ATAD2B: variants seen among roughly 807,000 people sequenced by gnomAD.
The protein encoded by ATAD2B is ATPase family AAA domain containing 2B.
A neutral mutation model predicts 167.6 loss-of-function variants in ATAD2B; 40 were observed. The ratio of observed to expected loss-of-function variants is 0.24; its 90% CI spans 0.19 to 0.31. The LOEUF (loss-of-function observed/expected upper bound fraction) is 0.31. ATAD2B is among the 10% of genes least tolerant of loss of function. ATAD2B has a pLI of 1.00. For synonymous variants in ATAD2B, 579 were observed against 596.5 expected (o/e 0.97, Z 0.43); for missense variants, 1,242 against 1,757.2 (o/e 0.71, Z 5.24).
rs180964232 is a variant in ATAD2B at position 23,895,755 on chromosome 2, A to G, written c.368+64T>C. 8 of 1,239,524 alleles carry G rather than the reference A, an allele frequency of 6.5e-6. No homozygotes were observed. The Admixed American group carries it at 1.0e-4, about 16-fold the overall frequency. The allele number at this position is 1,239,524 out of a possible 1,614,324, so 76.8% of individuals were successfully genotyped here. ...TTATAAGCTAAGAAAATTAGCATTA[A>G]TATCAGCCCTGAATCACATTCAGTA... On this transcript the variant is annotated intron_variant, in intron 2 of 27. Coordinates refer to ENST00000238789, the MANE Select transcript of ATAD2B (RefSeq NM_017552.4).
chr2:23,884,907 T>C (rs1422807940), intron 5 of ATAD2B, 34 bp from the exon 6 acceptor site: 4 of 1,365,826 alleles, frequency 2.9e-6, no homozygotes, highest in Non-Finnish European at 4.0e-6. Context: ...AATAGCAACA[T>C]GACATTTATT....
chr2:23,887,753 CTTATG>C, intron 4 of ATAD2B, 74 bp downstream of exon 4: 1 of 1,308,158 alleles, frequency 7.6e-7, no homozygotes, highest in Non-Finnish European at 1.0e-6. Context: ...TAAGTCGTTG[CTTATG>C]TTATTTTTTT....
At chr2:23,809,927 A>G (rs1033767394) in intron 18 of ATAD2B, among the ~76,000 whole-genome samples, 1 of 152,200 alleles carries the variant, frequency 6.6e-6, no homozygotes, top group African/African-American at 2.4e-5. Flanking sequence ...ATGAATATTA[A>G]ATCCTGATTA....
At chr2:23,857,990 G>A (rs868859751) in intron 12 of ATAD2B, among the ~76,000 whole-genome samples, 8 of 151,906 alleles carry the variant, frequency 5.3e-5, no homozygotes, top group African/African-American at 1.5e-4. Context: ...TGATCTGCCC[G>A]CCTCGACCTC....
At chr2:23,726,028 G>C in the ATAD2B span, among the ~76,000 whole-genome samples, 1 of 152,172 alleles carries the variant, frequency 6.6e-6, no homozygotes. Context: ...AAATGGAATT[G>C]CTATATGATC....
intron 13 of ATAD2B, among the ~76,000 whole-genome samples, chr2:23,849,266 CACAAACAGCA>C (rs1692184065): frequency 6.6e-6 from 1 of 152,122 alleles, no homozygotes; most frequent in African/African-American, 2.4e-5. Flanking sequence ...AAATATACCA[CACAAACAGCA>C]TGAAGTCTAG....
intron 9 of ATAD2B, among the ~76,000 whole-genome samples, 191 bp downstream of exon 9, chr2:23,869,472 T>A (rs1161707812): frequency 6.6e-6 from 1 of 152,228 alleles, no homozygotes; most frequent in Admixed American, 6.5e-5. Context: ...TTATCGTAAG[T>A]ACTTTCAGAC....
chr2:23,756,926 G>A (rs1676017697), intron 25 of ATAD2B, among the ~76,000 whole-genome samples: 1 of 152,172 alleles, frequency 6.6e-6, no homozygotes, highest in Non-Finnish European at 1.5e-5. Flanking sequence ...CTTGGAGAGT[G>A]TAAATAATGA....
At chr2:23,713,938 T>C in the ATAD2B span, among the ~76,000 whole-genome samples, 72 of 152,284 alleles carry the variant, frequency 4.7e-4, 1 homozygote, top group South Asian at 0.012. Flanking sequence ...ATTTGGGAAA[T>C]GCTAGGTTTA....
the ATAD2B span, among the ~76,000 whole-genome samples, chr2:23,739,650 C>T: frequency 3.9e-5 from 6 of 151,974 alleles, no homozygotes; most frequent in Non-Finnish European, 7.4e-5. Context: ...ACTAGAAAAG[C>T]GAGAGCAAAC....
the ATAD2B span, among the ~76,000 whole-genome samples, chr2:23,684,911 C>T: frequency 2.0e-5 from 3 of 152,112 alleles, no homozygotes; most frequent in African/African-American, 7.2e-5. This position sits in a 1 kb window ranked among gnomAD's most constrained non-coding sequence, Gnocchi z 4.4. Context: ...ACACACTGCC[C>T]CCACCGGGCC....
At chr2:23,865,303 C>T (rs1339318171) in intron 10 of ATAD2B, among the ~76,000 whole-genome samples, 4 of 152,002 alleles carry the variant, frequency 2.6e-5, no homozygotes, top group East Asian at 1.9e-4. Context: ...CCAAGGAGGG[C>T]GGATCACCTG....
Position 23,829,068 on chromosome 2 carries a change from A to C in ATAD2B, c.1729-129T>G, listed in dbSNP as rs563049909. On this transcript the variant is annotated intron_variant, in intron 14 of 27. Transcript: ENST00000238789. The stretch of plus-strand genomic sequence containing the variant: ...ACAATCCCATTAAAATTTTTATTTT[A>C]AAAAAAATTTAAACACCTTAGCATC... The C allele has an allele frequency of 8.1e-6, 5 of 620,238 alleles. No homozygotes were observed. In the Admixed American group the frequency reaches 1.6e-4, roughly 20 times the overall value. 38.4% of individuals were successfully genotyped at this position (620,238 alleles called of 1,614,324 possible).
At chr2:23,910,759 T>G (rs1049769200) in intron 1 of ATAD2B, among the ~76,000 whole-genome samples, 2 of 151,760 alleles carry the variant, frequency 1.3e-5, no homozygotes, top group African/African-American at 4.8e-5. Context: ...TTCCAGCTAC[T>G]TGGGAGGCTG....
chr2:23,704,796 T>C, the ATAD2B span, among the ~76,000 whole-genome samples: 1 of 152,138 alleles, frequency 6.6e-6, no homozygotes, highest in African/African-American at 2.4e-5. Flanking sequence ...AGAAACCTCA[T>C]TGTCAGGACT....
rs56748818 is a variant in ATAD2B, at chr2:23,754,911, T to A, written c.4079-137A>T. 0.012 allele frequency: 9,619 copies of A among 831,866 alleles called. 678 individuals are homozygous for A. The African/African-American group carries it at 0.15, about 13-fold the overall frequency. The allele number at this position is 831,866 out of a possible 1,614,324, so 51.5% of individuals were successfully genotyped here. A position where few individuals can be genotyped will look rare whatever the true frequency, so the allele number is the denominator to read the frequency against. ...GGGTGTATTCTTAAGTGATTTTTTT[T>A]AAAGCAACCCAATGTGGTAGATTTT... On this transcript the variant is annotated intron_variant, in intron 25 of 27. Coordinates refer to ENST00000238789, the MANE Select transcript of ATAD2B (RefSeq NM_017552.4).
intron 1 of ATAD2B, among the ~76,000 whole-genome samples, chr2:23,905,681 C>A (rs1701383934): frequency 6.6e-6 from 1 of 152,158 alleles, no homozygotes; most frequent in Non-Finnish European, 1.5e-5. Flanking sequence ...AAATTTTATA[C>A]CTACTGCCTC....
At chr2:23,879,418 G>A (rs764831046) in intron 7 of ATAD2B, among the ~76,000 whole-genome samples, 1 of 152,010 alleles carries the variant, frequency 6.6e-6, no homozygotes, top group African/African-American at 2.4e-5. Context: ...GACCAGCCTC[G>A]GCAACACAGC....
At chr2:23,775,591 A>G (rs1380253289) in intron 22 of ATAD2B, among the ~76,000 whole-genome samples, 5 of 152,204 alleles carry the variant, frequency 3.3e-5, no homozygotes, top group South Asian at 2.1e-4. Context: ...TATGTTGCTT[A>G]TATCTCAATA....
Sources: allele counts gnomAD v4.1 joint callset (sites outside exome capture counted in the v4.1 genomes callset), GRCh38; gene constraint gnomAD v4.1.1; non-coding constraint Gnocchi (gnomAD v3.1); transcripts MANE v1.5; gene names NCBI Gene and HGNC (gene_info 2026-07-23, HGNC 2026-07-21).